SOS1: variants seen among roughly 807,000 people sequenced by gnomAD.
The protein encoded by SOS1 is SOS Ras/Rac guanine nucleotide exchange factor 1.
A neutral mutation model predicts 157.6 loss-of-function variants in SOS1; 25 were observed. The ratio of observed to expected loss-of-function variants is 0.16; its 90% CI spans 0.12 to 0.22. The LOEUF (loss-of-function observed/expected upper bound fraction) is 0.22, where lower values mean the gene tolerates loss of function less well. Ranked by LOEUF, SOS1 falls within the 10% of genes least tolerant of loss-of-function variation. The pLI, the probability that SOS1 is intolerant of heterozygous loss-of-function variation, is 1.00. For missense variants in SOS1, 1,237 were observed against 1,599.1 expected, an observed-to-expected ratio of 0.77 and a Z score of 3.86; for synonymous variants, 528 against 534.0, an observed-to-expected ratio of 0.99 and a Z score of 0.16.
Position 39,059,490 on chromosome 2 carries a change from G to A in SOS1, c.214-686C>T, listed in dbSNP as rs143332548. ...CTAATATAATTCACTTCAAAAAGGC[G>A]CTTTCATCCTCTCAAAACTTTAAAA... is the stretch of plus-strand genomic sequence containing the variant. On this transcript the variant is annotated intron_variant, in intron 2 of 22. Transcript: ENST00000402219. 1.6e-3 allele frequency among the ~76,000 whole-genome samples: 248 copies of A among 152,046 alleles called. 1 individual carries two copies. Among genetic ancestry groups the A allele is most frequent in the African/African-American group, 5.7e-3 (236 of 41,498 alleles).
chr2:39,045,266 G>C (rs1340141435), intron 6 of SOS1, among the ~76,000 whole-genome samples: 188 of 140,148 alleles, frequency 1.3e-3, no homozygotes, highest in African/African-American at 4.8e-3. Context: ...GAGAGAGAGA[G>C]AGAGAGAGTG....
At chr2:39,009,625 G>A (rs893339868) in intron 15 of SOS1, among the ~76,000 whole-genome samples, 1 of 152,134 alleles carries the variant, frequency 6.6e-6, no homozygotes, top group Non-Finnish European at 1.5e-5. Flanking sequence ...AGGTGGGTGA[G>A]AGCAAAGCTT....
Position 39,051,211 on chromosome 2 carries a change from G to A in SOS1, c.797C>T (p.Thr266Ile). The A allele has an allele frequency of 6.2e-7, 1 of 1,612,842 alleles. No individual in the cohort carries two copies. Residue 266 changes from threonine (T) to isoleucine (I), a missense_variant, in exon 6 of 23, where the codon ACA (threonine) becomes ATA (isoleucine). By Grantham distance (89) the Thr-to-Ile change is moderately conservative (BLOSUM62 -1). This residue lies in a region of SOS1 where 108 missense variants were observed against 115.3 expected (regional missense o/e 0.94). Coordinates refer to ENST00000402219, the MANE Select transcript of SOS1 (RefSeq NM_005633.4). The part of the protein sequence containing the change: ...SVKLLGHIED[T>I]VEMTDEGSPH... ...ACTGCCTTCATCTGTCATTTCTACTGTATCTTCTATATGGCCCAGTAACTT... is the reference window on the plus strand; with the variant it reads ...ACTGCCTTCATCTGTCATTTCTACTATATCTTCTATATGGCCCAGTAACTT...
chr2:39,019,244 T>C (rs1391063129), intron 10 of SOS1, among the ~76,000 whole-genome samples: 1 of 151,716 alleles, frequency 6.6e-6, no homozygotes, highest in Non-Finnish European at 1.5e-5. Flanking sequence ...TTATTATCCT[T>C]ACTTCAGGGT....
At chr2:39,054,094 A>C (rs1671120673) in intron 5 of SOS1, among the ~76,000 whole-genome samples, 1 of 151,950 alleles carries the variant, frequency 6.6e-6, no homozygotes, top group Admixed American at 6.6e-5. Flanking sequence ...CGCCCGGCTA[A>C]TTTTTTGTAT....
intron 1 of SOS1, among the ~76,000 whole-genome samples, chr2:39,083,178 C>CA (rs35542498): frequency 1.3e-5 from 2 of 151,994 alleles, no homozygotes; most frequent in Non-Finnish European, 2.9e-5. Flanking sequence ...TTGGGTATGA[C>CA]AAAAATGACC....
At chr2:39,119,120 A>G (rs1338294181) in intron 1 of SOS1, among the ~76,000 whole-genome samples, 1 of 152,246 alleles carries the variant, frequency 6.6e-6, no homozygotes, top group Non-Finnish European at 1.5e-5. Context: ...CAAACTTGCA[A>G]GTAAAGCAAA....
intron 1 of SOS1, among the ~76,000 whole-genome samples, chr2:39,116,257 T>C (rs1304336365): frequency 6.6e-6 from 1 of 152,222 alleles, no homozygotes; most frequent in African/African-American, 2.4e-5. Context: ...GAGCTTCTCC[T>C]ACATTCTCTA....
chr2:39,015,952 C>A (rs1251482481), intron 10 of SOS1, among the ~76,000 whole-genome samples: 1 of 151,676 alleles, frequency 6.6e-6, no homozygotes, highest in Non-Finnish European at 1.5e-5. Flanking sequence ...TTCTGTTAGG[C>A]TACATAATGT....
chr2:39,089,952 T>C (rs1572884859), intron 1 of SOS1, among the ~76,000 whole-genome samples: 5 of 131,674 alleles, frequency 3.8e-5, no homozygotes, highest in South Asian at 2.5e-4. Flanking sequence ...CATGGTGAAA[T>C]CCCGTCTCTA....
intron 1 of SOS1, among the ~76,000 whole-genome samples, chr2:39,100,624 C>A (rs1672933129): frequency 6.6e-6 from 1 of 152,026 alleles, no homozygotes; most frequent in African/African-American, 2.4e-5. Flanking sequence ...CATATAGAAA[C>A]AAAAGAGCAG....
chr2:39,012,409 A>T, intron 13 of SOS1, 61 bp from the exon 14 acceptor site: 1 of 799,460 alleles, frequency 1.3e-6, no homozygotes, highest in East Asian at 3.5e-5. Flanking sequence ...TTTATATTTT[A>T]AAAATGGTTT....
intron 10 of SOS1, among the ~76,000 whole-genome samples, chr2:39,019,332 C>T (rs111556826): frequency 0.015 from 2,208 of 151,864 alleles, 69 homozygotes; most frequent in African/African-American, 0.05. Flanking sequence ...TGTTTTAGGT[C>T]TCATTAACTT....
At chr2:39,047,522 C>T (rs970760430) in intron 6 of SOS1, among the ~76,000 whole-genome samples, 2 of 152,176 alleles carry the variant, frequency 1.3e-5, no homozygotes, top group Non-Finnish European at 2.9e-5. Flanking sequence ...TTTCAAAATA[C>T]ATTTCCTTGA....
chr2:39,003,066 C>CAAAAAACAAACAA (rs1553352635), intron 17 of SOS1, among the ~76,000 whole-genome samples: 1 of 72,308 alleles, frequency 1.4e-5, no homozygotes, highest in Admixed American at 1.6e-4. Flanking sequence ...GACCTTGTAT[C>CAAAAAACAAACAA]AAAAAAAAAA....
rs730881049 is a variant in SOS1, at chr2:38,986,295, G to T, written c.3531C>A (p.Asp1177Glu). Reference protein sequence around the residue: ...SPSKIMSKHLDSPPAIPPRQP... With the variant: ...SPSKIMSKHLESPPAIPPRQP... Reference sequence around the variant, plus strand: ...GCCTAGGAGGAATGGCTGGGGGACTGTCCAAATGCTTAGACATAATCTAAC... The same window carrying T: ...GCCTAGGAGGAATGGCTGGGGGACTTTCCAAATGCTTAGACATAATCTAAC... Residue 1177 changes from aspartate (D) to glutamate (E), a missense_variant, in exon 23 of 23, where the codon GAC (aspartate) becomes GAA (glutamate). Physicochemically the swap from Asp to Glu is conservative, Grantham distance 45 (BLOSUM62 2). Around this residue, in one of 15 missense-constraint regions of SOS1, gnomAD observed 306 missense variants for 322.6 expected, o/e 0.95. Transcript: ENST00000402219. 1.9e-6 allele frequency: 3 copies of T among 1,612,538 alleles called. No individual in the cohort carries two copies. In the East Asian group the frequency reaches 6.7e-5, roughly 36 times the overall value.
At chr2:39,103,041 G>C (rs946593708) in intron 1 of SOS1, among the ~76,000 whole-genome samples, 2 of 152,106 alleles carry the variant, frequency 1.3e-5, no homozygotes, top group Admixed American at 1.3e-4. Flanking sequence ...AATTAGGAAT[G>C]CAATTCCATT....
intron 5 of SOS1, among the ~76,000 whole-genome samples, chr2:39,051,658 T>C (rs375424462): frequency 6.6e-6 from 1 of 152,166 alleles, no homozygotes; most frequent in African/African-American, 2.4e-5. Flanking sequence ...AATAAACCCA[T>C]TATGTGTTTA....
chr2:39,093,279 A>G (rs968434850), intron 1 of SOS1, among the ~76,000 whole-genome samples: 3 of 152,186 alleles, frequency 2.0e-5, no homozygotes, highest in Non-Finnish European at 4.4e-5. Context: ...ATGATCATCT[A>G]TGTGGTTAGT....
Sources: gnomAD v4.1 joint callset for allele counts (sites outside exome capture counted in the v4.1 genomes callset) on GRCh38, gnomAD v4.1.1 for gene constraint, gnomAD v4.1.1 regional missense constraint, MANE v1.5 for transcripts, NCBI Gene and HGNC (gene_info 2026-07-23, HGNC 2026-07-21) for gene names.